Variants in PARD3B observed in about 807,000 individuals in gnomAD.
PARD3B encodes partitioning defective 3 homolog B.
PARD3B carries 103 observed loss-of-function variants against 130.2 expected under a neutral mutation model. That is an observed-to-expected ratio of 0.79 (90% CI 0.67 to 0.93). The LOEUF is 0.93. Ranked by LOEUF, PARD3B falls within the 40% of genes least tolerant of loss-of-function variation. The pLI is 0.00. For synonymous variants in PARD3B, 583 were observed against 553.2 expected (o/e 1.05, Z -0.76); for missense variants, 1,609 against 1,499.2 (o/e 1.07, Z -1.21).
chr2:205,588,886 C>G (rs2054287865), intron 22 of PARD3B, among the ~76,000 whole-genome samples: 1 of 152,204 alleles, frequency 6.6e-6, no homozygotes, highest in South Asian at 2.1e-4. Context: ...CTACAATGCC[C>G]TGGCTTTCAA....
chr2:205,425,849 A>T lies in PARD3B; in HGVS notation c.2742-14521A>T, dbSNP rs534187950. ...GACTGTATAAGCACAATATCCACAT[A>T]TTGGATTCTGCAAACCATGAAGAAT... On this transcript the variant is annotated intron_variant, in intron 19 of 22. Coordinates refer to ENST00000406610, the MANE Select transcript of PARD3B (RefSeq NM_001302769.2). Among the ~76,000 whole-genome samples, 3 of 152,302 alleles carry T rather than the reference A, an allele frequency of 2.0e-5. No homozygotes were observed. The East Asian group carries it at 5.8e-4, about 29-fold the overall frequency.
At chr2:204,984,074 T>C (rs965478074) in intron 3 of PARD3B, among the ~76,000 whole-genome samples, 15 of 152,072 alleles carry the variant, frequency 9.9e-5, no homozygotes, top group African/African-American at 2.9e-4. Context: ...ACTAAGAGAA[T>C]AGAGGTGGAG....
intron 2 of PARD3B, among the ~76,000 whole-genome samples, chr2:204,924,408 G>T (rs1487853498): frequency 6.6e-6 from 1 of 151,922 alleles, no homozygotes; most frequent in African/African-American, 2.4e-5. Context: ...TTTCAAACTA[G>T]TATTAAAGGG....
intron 16 of PARD3B, among the ~76,000 whole-genome samples, chr2:205,259,431 A>G (rs907965603): frequency 5.3e-5 from 8 of 152,270 alleles, no homozygotes; most frequent in Admixed American, 6.5e-5. Context: ...AAAGTCAGCC[A>G]TCAGTCTAAT....
intron 2 of PARD3B, among the ~76,000 whole-genome samples, chr2:204,858,979 A>G (rs2045073153): frequency 6.6e-6 from 1 of 151,704 alleles, no homozygotes; most frequent in Non-Finnish European, 1.5e-5. Context: ...GGGTTTGTCT[A>G]AGTATTTGAG....
At chr2:204,792,270 T>C (rs924579398) in intron 2 of PARD3B, among the ~76,000 whole-genome samples, 1 of 152,182 alleles carries the variant, frequency 6.6e-6, no homozygotes, top group East Asian at 1.9e-4. Context: ...AGCACAAATA[T>C]CAGAACATAT....
intron 10 of PARD3B, among the ~76,000 whole-genome samples, chr2:205,137,779 T>G (rs930702490): frequency 6.6e-6 from 1 of 152,224 alleles, no homozygotes; most frequent in Admixed American, 6.5e-5. Context: ...TCCTCCTTCA[T>G]GTGCCCTCCC....
intron 2 of PARD3B, among the ~76,000 whole-genome samples, chr2:204,858,348 T>C (rs1162747843): frequency 6.6e-6 from 1 of 152,008 alleles, no homozygotes; most frequent in Non-Finnish European, 1.5e-5. Context: ...AACTGTGGTG[T>C]GTATACACAA....
At chr2:205,391,315 A>T (rs924258237) in intron 18 of PARD3B, among the ~76,000 whole-genome samples, 4 of 152,250 alleles carry the variant, frequency 2.6e-5, no homozygotes, top group Non-Finnish European at 4.4e-5. Flanking sequence ...AATTCCAGCC[A>T]TGTGATCTGT....
At chr2:204,997,775 G>T (rs1694353377) in intron 3 of PARD3B, among the ~76,000 whole-genome samples, 1 of 151,336 alleles carries the variant, frequency 6.6e-6, no homozygotes, top group African/African-American at 2.4e-5. Context: ...AGCTGATTTT[G>T]TTCATAATCT....
chr2:204,626,296 G>C (rs185032650), intron 1 of PARD3B, among the ~76,000 whole-genome samples: 65 of 152,220 alleles, frequency 4.3e-4, no homozygotes, highest in Admixed American at 9.8e-4. Flanking sequence ...AAGTATGGCA[G>C]GGAATCTGAT....
chr2:205,159,998 G>A (rs1369297862), intron 11 of PARD3B, among the ~76,000 whole-genome samples: 1 of 152,106 alleles, frequency 6.6e-6, no homozygotes, highest in Admixed American at 6.5e-5. Context: ...AGCCAAGAAG[G>A]CCCCGTTACA....
chr2:205,064,292 A>G (rs1319834117), intron 4 of PARD3B, among the ~76,000 whole-genome samples: 1 of 152,130 alleles, frequency 6.6e-6, no homozygotes, highest in Admixed American at 6.6e-5. Flanking sequence ...GTGCTTCAGG[A>G]AAAAGTGGAA....
Position 205,571,545 on chromosome 2 carries a change from G to T in PARD3B, c.3260+18142G>T, listed in dbSNP as rs138230743. ...AATCCAGCAAAGAAAATATCTCAAA[G>T]AATCAACAGGGAGAGTAAAACAAAA... On this transcript the variant is annotated intron_variant, in intron 22 of 22. Transcript: ENST00000406610. Among the ~76,000 whole-genome samples the T allele has an allele frequency of 2.7e-3, 408 of 152,286 alleles. 2 individuals are homozygous for T. Among genetic ancestry groups the T allele is most frequent in the African/African-American group, 9.6e-3 (399 of 41,552 alleles).
At chr2:205,492,155 G>A (rs1036006106) in intron 20 of PARD3B, among the ~76,000 whole-genome samples, 2 of 152,072 alleles carry the variant, frequency 1.3e-5, no homozygotes, top group African/African-American at 2.4e-5. Flanking sequence ...TTCTGCTGCC[G>A]TTTTATGTGA....
chr2:205,588,798 C>T (rs547057764), intron 22 of PARD3B, among the ~76,000 whole-genome samples: 5 of 152,330 alleles, frequency 3.3e-5, no homozygotes, highest in South Asian at 4.1e-4. Context: ...CATGTCATGG[C>T]GGAGCTTCAG....
chr2:204,943,898 C>T lies in PARD3B; in HGVS notation c.223-21254C>T, dbSNP rs189144232. On this transcript the variant is annotated intron_variant, in intron 2 of 22. Coordinates refer to ENST00000406610, the MANE Select transcript of PARD3B (RefSeq NM_001302769.2). This position sits in a 1 kb window ranked among gnomAD's most constrained non-coding sequence, Gnocchi z 4.2. The stretch of plus-strand genomic sequence containing the variant: ...AAGTTAAAGCCCAAAGAGTAAAATA[C>T]TAAAGGGAAATTTAAAATAAATGCT... Among the ~76,000 whole-genome samples, 733 of 152,036 alleles carry T rather than the reference C, an allele frequency of 4.8e-3. 30 individuals carry two copies. Among genetic ancestry groups the T allele is most frequent in the Admixed American group, 0.046 (701 of 15,262 alleles).
chr2:204,774,760 TG>T (rs1327764891), intron 2 of PARD3B, among the ~76,000 whole-genome samples: 1 of 152,128 alleles, frequency 6.6e-6, no homozygotes, highest in African/African-American at 2.4e-5. Flanking sequence ...GATTTTATTG[TG>T]GTCTGTATTT....
intron 9 of PARD3B, among the ~76,000 whole-genome samples, 167 bp downstream of exon 9, chr2:205,124,633 G>A (rs2031168416): frequency 6.6e-6 from 1 of 151,924 alleles, no homozygotes; most frequent in South Asian, 2.1e-4. Context: ...TATAGAACTG[G>A]TTAATGAGGA....
Sources: gnomAD v4.1 joint callset for allele counts (sites outside exome capture counted in the v4.1 genomes callset) on GRCh38, gnomAD v4.1.1 for gene constraint, Gnocchi (gnomAD v3.1) non-coding constraint, MANE v1.5 for transcripts, NCBI Gene and HGNC (gene_info 2026-07-23, HGNC 2026-07-21) for gene names.